Variants in KCTD8 observed in about 807,000 individuals in gnomAD.
The protein encoded by KCTD8 is potassium channel tetramerization domain containing 8, also known as BTB/POZ domain-containing protein KCTD8.
A neutral mutation model predicts 31.5 loss-of-function variants in KCTD8; 27 were observed. That is an observed-to-expected ratio of 0.86 (90% CI 0.63 to 1.18). KCTD8 has a LOEUF of 1.18. Ranked by LOEUF, KCTD8 falls within the 50% of genes most tolerant of loss-of-function variation. KCTD8 has a pLI of 0.00. For synonymous variants in KCTD8, 290 were observed against 280.0 expected (o/e 1.04, Z -0.36); for missense variants, 658 against 647.7 (o/e 1.02, Z -0.17).
chr4:44,349,018 A>G (rs1719118764), intron 1 of KCTD8, among the ~76,000 whole-genome samples: 1 of 152,122 alleles, frequency 6.6e-6, no homozygotes, highest in Non-Finnish European at 1.5e-5. Flanking sequence ...GACTATAGAA[A>G]AACTTAAATG....
intron 1 of KCTD8, among the ~76,000 whole-genome samples, chr4:44,217,801 G>C (rs549598440): frequency 1.4e-5 from 2 of 142,418 alleles, no homozygotes; most frequent in East Asian, 4.3e-4. Flanking sequence ...TTAGACTCCT[G>C]GACTTATACC....
At chr4:44,327,489 C>T (rs1718480159) in intron 1 of KCTD8, among the ~76,000 whole-genome samples, 1 of 151,762 alleles carries the variant, frequency 6.6e-6, no homozygotes, top group Admixed American at 6.6e-5. Context: ...CACAGTAGCT[C>T]TGGTTGCAAG....
intron 1 of KCTD8, among the ~76,000 whole-genome samples, chr4:44,318,856 A>C (rs1412069142): frequency 6.6e-6 from 1 of 152,196 alleles, no homozygotes; most frequent in African/African-American, 2.4e-5. Flanking sequence ...AAGTGGAAGA[A>C]GCCTTGAGAC....
intron 1 of KCTD8, among the ~76,000 whole-genome samples, chr4:44,325,796 A>G (rs1718428575): frequency 6.6e-6 from 1 of 151,936 alleles, no homozygotes; most frequent in African/African-American, 2.4e-5. Flanking sequence ...CTGTAGAAGG[A>G]GGGGTATCCC....
chr4:44,305,305 T>C (rs1717769004), intron 1 of KCTD8, among the ~76,000 whole-genome samples: 1 of 151,820 alleles, frequency 6.6e-6, no homozygotes. Flanking sequence ...ATGAATATTA[T>C]AATTTTGAAT....
At chr4:44,176,768 G>C (rs144531530) in intron 1 of KCTD8, among the ~76,000 whole-genome samples, 14 of 152,184 alleles carry the variant, frequency 9.2e-5, no homozygotes, top group South Asian at 6.2e-4. Flanking sequence ...TTAAATGGCT[G>C]AGCTTTTATG....
At chr4:44,366,008 A>C (rs1719622790) in intron 1 of KCTD8, among the ~76,000 whole-genome samples, 1 of 152,248 alleles carries the variant, frequency 6.6e-6, no homozygotes, top group African/African-American at 2.4e-5. Flanking sequence ...TTTGTAAAGC[A>C]AGTTGTAAAA....
At chr4:44,185,994 G>A (rs1713575701) in intron 1 of KCTD8, among the ~76,000 whole-genome samples, 1 of 152,182 alleles carries the variant, frequency 6.6e-6, no homozygotes, top group Admixed American at 6.5e-5. Flanking sequence ...CTTCGGGCCT[G>A]TGCCCACAGA....
intron 1 of KCTD8, among the ~76,000 whole-genome samples, chr4:44,300,197 G>C (rs1717568952): frequency 6.6e-6 from 1 of 152,100 alleles, no homozygotes; most frequent in Non-Finnish European, 1.5e-5. Context: ...GAGTAAATTA[G>C]AACAGATTAA....
At chr4:44,379,546 T>C (rs1022498420) in intron 1 of KCTD8, among the ~76,000 whole-genome samples, 2 of 152,084 alleles carry the variant, frequency 1.3e-5, no homozygotes, top group Non-Finnish European at 2.9e-5. Flanking sequence ...ACTAAAACCA[T>C]TGCAGGTGTG....
intron 1 of KCTD8, among the ~76,000 whole-genome samples, chr4:44,220,376 A>G (rs1435417275): frequency 6.6e-6 from 1 of 152,256 alleles, no homozygotes; most frequent in Non-Finnish European, 1.5e-5. Context: ...TGGAAAACAC[A>G]TAAGAAATAT....
intron 1 of KCTD8, among the ~76,000 whole-genome samples, chr4:44,404,685 G>C (rs548651872): frequency 1.8e-3 from 280 of 152,220 alleles, no homozygotes; most frequent in Middle Eastern, 0.01. Flanking sequence ...GGAAAATAAT[G>C]AGACAGAAAA....
At chr4:44,356,840 C>G (rs2109427828) in intron 1 of KCTD8, among the ~76,000 whole-genome samples, 1 of 152,282 alleles carries the variant, frequency 6.6e-6, no homozygotes, top group African/African-American at 2.4e-5. Flanking sequence ...ATTTCTGTCT[C>G]AGACACCTGC....
chr4:44,201,012 T>C (rs1314491825), intron 1 of KCTD8, among the ~76,000 whole-genome samples: 1 of 151,956 alleles, frequency 6.6e-6, no homozygotes, highest in Non-Finnish European at 1.5e-5. Flanking sequence ...TATGCATCAA[T>C]AATGACCAGG....
At chr4:44,336,985 G>A (rs1246889323) in intron 1 of KCTD8, among the ~76,000 whole-genome samples, 1 of 152,050 alleles carries the variant, frequency 6.6e-6, no homozygotes, top group African/African-American at 2.4e-5. Flanking sequence ...AAATTTAAAT[G>A]ATAAATTGGA....
At chr4:44,251,763 G>T (rs1210660892) in intron 1 of KCTD8, among the ~76,000 whole-genome samples, 1 of 151,300 alleles carries the variant, frequency 6.6e-6, no homozygotes, top group Non-Finnish European at 1.5e-5. Context: ...GAGTTAAGGA[G>T]AGACTTTTCT....
At chr4:44,380,274 C>T (rs376639342) in intron 1 of KCTD8, among the ~76,000 whole-genome samples, 1 of 151,860 alleles carries the variant, frequency 6.6e-6, no homozygotes, top group Admixed American at 6.6e-5. Context: ...AATTAAGCTA[C>T]TCCAGATTCT....
chr4:44,251,803 A>C (rs1193633293), intron 1 of KCTD8, among the ~76,000 whole-genome samples: 1 of 151,592 alleles, frequency 6.6e-6, no homozygotes, highest in Non-Finnish European at 1.5e-5. Context: ...GATTGAAAAA[A>C]AAATCATGAT....
At chr4:44,403,607 A>AT (rs1720717847) in intron 1 of KCTD8, among the ~76,000 whole-genome samples, 1 of 152,054 alleles carries the variant, frequency 6.6e-6, no homozygotes, top group African/African-American at 2.4e-5. Flanking sequence ...TCCTCTGTAA[A>AT]CATATTAGGT....
Sources: allele counts gnomAD v4.1 joint callset (sites outside exome capture counted in the v4.1 genomes callset), GRCh38; gene constraint gnomAD v4.1.1; transcripts MANE v1.5; gene names NCBI Gene and HGNC (gene_info 2026-07-23, HGNC 2026-07-21).